SV2B: variants seen among roughly 807,000 people sequenced by gnomAD.
The protein encoded by SV2B is synaptic vesicle glycoprotein 2B.
Under a neutral mutation model 73.9 loss-of-function variants are expected in SV2B, and 41 were observed. That is an observed-to-expected ratio of 0.56 (90% CI 0.43 to 0.72). The LOEUF (loss-of-function observed/expected upper bound fraction) is 0.72, where lower values mean the gene tolerates loss of function less well. Among genes scored for constraint, SV2B ranks in the 30% least tolerant of loss-of-function variants. The probability of loss-of-function intolerance (pLI) is 0.00; values close to 1 mark genes in which losing one functional copy is unlikely to be tolerated. For missense variants in SV2B, 764 were observed against 857.8 expected, an observed-to-expected ratio of 0.89 and a Z score of 1.37; for synonymous variants, 314 against 314.2, an observed-to-expected ratio of 1.00 and a Z score of 0.01.
intron 6 of SV2B, among the ~76,000 whole-genome samples, chr15:91,262,968 G>C (rs2047963842): frequency 6.6e-6 from 1 of 152,194 alleles, no homozygotes; most frequent in Non-Finnish European, 1.5e-5. Flanking sequence ...GCTTATTTCT[G>C]GAAGATGTTT....
intron 6 of SV2B, 120 bp downstream of exon 6, chr15:91,260,529 A>G (rs905291380): frequency 1.5e-6 from 1 of 658,260 alleles, no homozygotes. Flanking sequence ...AGACTCTGAT[A>G]TTGCTGTTAC....
At chr15:91,198,812 GTCC>G (rs1173289511) in intron 1 of SV2B, among the ~76,000 whole-genome samples, 2 of 152,196 alleles carry the variant, frequency 1.3e-5, no homozygotes, top group African/African-American at 4.8e-5. Context: ...TCGACCCAGA[GTCC>G]TGTTGCTGTA....
In SV2B at chr15:91,105,168, C is replaced by G. The variant is rs1156726326; in HGVS notation, c.-392+4805C>G. Reference sequence around the variant, plus strand: ...AGACCCATCTCATGAAGCATTCATTCTAGTTGAGGGAGACAAATAATATGT... The same window carrying G: ...AGACCCATCTCATGAAGCATTCATTGTAGTTGAGGGAGACAAATAATATGT... On this transcript the variant is annotated intron_variant, in intron 1 of 12. Coordinates refer to ENST00000394232, the MANE Select transcript of SV2B (RefSeq NM_001323032.3). The surrounding 1 kb of genome is among the most constrained non-coding windows in gnomAD (Gnocchi z 5.5). 6.6e-6 allele frequency among the ~76,000 whole-genome samples: 1 copy of G among 152,240 alleles called. No homozygotes were observed. Among genetic ancestry groups the G allele is most frequent in the Non-Finnish European group, 1.5e-5 (1 of 68,020 alleles).
chr15:91,109,924 C>T (rs1017748327), intron 1 of SV2B, among the ~76,000 whole-genome samples: 3 of 152,030 alleles, frequency 2.0e-5, no homozygotes, highest in African/African-American at 4.8e-5. Flanking sequence ...TTTGTAGAGA[C>T]GAGGTCTCAT....
rs370803593 is a variant in SV2B at position 91,258,537 on chromosome 15, C to G, written c.901C>G (p.Pro301Ala). 19 of 1,613,900 alleles carry G rather than the reference C, an allele frequency of 1.2e-5. No homozygotes were observed. The highest frequency in any genetic ancestry group is 1.5e-5 in the Non-Finnish European group (18 of 1,179,942). Residue 301 changes from proline to alanine, a missense_variant, in exon 5 of 13, where the codon CCA (proline) becomes GCA (alanine). Physicochemically the swap from Pro to Ala is conservative, Grantham distance 27. Transcript: ENST00000394232. This position sits in a 1 kb window ranked among gnomAD's most constrained non-coding sequence, Gnocchi z 4.7. ...MVALKFMPESPRFLLEMGKHD... is the reference protein window; with the variant it reads ...MVALKFMPESARFLLEMGKHD... The stretch of plus-strand genomic sequence containing the variant: ...GGCCCTGAAGTTCATGCCAGAGAGC[C>G]CAAGGTTTCTGCTAGAGGTGAGTCA...
rs1006453345 is a variant in SV2B, at chr15:91,214,460, A to G, written c.-391-11413A>G. Among the ~76,000 whole-genome samples, 4 of 152,232 alleles carry G rather than the reference A, an allele frequency of 2.6e-5. No individual in the cohort carries two copies. Among genetic ancestry groups the G allele is most frequent in the African/African-American group, 9.6e-5 (4 of 41,466 alleles). On this transcript the variant is annotated intron_variant, in intron 1 of 12. Transcript: ENST00000394232. This position sits in a 1 kb window ranked among gnomAD's most constrained non-coding sequence, Gnocchi z 4.7. ...CTGTGCCAAACATTTTGAAAATGTT[A>G]ACTCATTTAATTCTCATAACAATGC...
chr15:91,101,345 A>G (rs2041719077), intron 1 of SV2B, among the ~76,000 whole-genome samples: 1 of 151,990 alleles, frequency 6.6e-6, no homozygotes, highest in South Asian at 2.1e-4. Flanking sequence ...CCCTTTCCAG[A>G]AGAGGTGACT....
chr15:91,140,229 G>A lies in SV2B; in HGVS notation c.-392+39866G>A, dbSNP rs1490891403. ...ACAATGCTCATTATTTTTCTTCAAA[G>A]TAATAGCAGCTAGGAACAAAGTTAC... is the stretch of plus-strand genomic sequence containing the variant. On this transcript the variant is annotated intron_variant, in intron 1 of 12. Transcript: ENST00000394232. This position sits in a 1 kb window ranked among gnomAD's most constrained non-coding sequence, Gnocchi z 4.4. 1.3e-5 allele frequency among the ~76,000 whole-genome samples: 2 copies of A among 152,184 alleles called. No homozygotes were observed. Among genetic ancestry groups the A allele is most frequent in the African/African-American group, 2.4e-5 (1 of 41,446 alleles).
At chr15:91,143,929 C>A (rs16945257) in intron 1 of SV2B, among the ~76,000 whole-genome samples, 1 of 151,942 alleles carries the variant, frequency 6.6e-6, no homozygotes, top group Non-Finnish European at 1.5e-5. Context: ...TAGAGTCTGT[C>A]TTCTATTATG....
intron 1 of SV2B, among the ~76,000 whole-genome samples, chr15:91,191,057 G>GTTTTTTTTTTTTTTTTT: frequency 1.3e-5 from 1 of 78,202 alleles, no homozygotes; most frequent in Non-Finnish European, 2.7e-5. Context: ...GGTTTTTTTG[G>GTTTTTTTTTTTTTTTTT]TGTTTCTTTT....
intron 1 of SV2B, among the ~76,000 whole-genome samples, chr15:91,144,174 G>A (rs959149397): frequency 6.6e-6 from 1 of 152,182 alleles, no homozygotes; most frequent in African/African-American, 2.4e-5. Flanking sequence ...TACACCTGCA[G>A]GAACTAGCTA....
chr15:91,272,483 C>T (rs2048346596), intron 9 of SV2B, among the ~76,000 whole-genome samples: 1 of 152,032 alleles, frequency 6.6e-6, no homozygotes, highest in African/African-American at 2.4e-5. Flanking sequence ...TAGGTCGTGA[C>T]CCAGGAAGTA....
At chr15:91,172,075 C>T (rs1165032343) in intron 1 of SV2B, among the ~76,000 whole-genome samples, 1 of 152,152 alleles carries the variant, frequency 6.6e-6, no homozygotes, top group Non-Finnish European at 1.5e-5. Context: ...ATCAACTCTA[C>T]ACTAAAAATT....
At position 91,284,585 on chromosome 15, in the gene SV2B, G is replaced by A. The variant is rs573528045; in HGVS notation, c.1708+364G>A. Among the ~76,000 whole-genome samples, 3 of 152,330 alleles carry A rather than the reference G, an allele frequency of 2.0e-5. No homozygotes were observed. The highest frequency in any genetic ancestry group is 2.1e-4 in the South Asian group (1 of 4,824). On this transcript the variant is annotated intron_variant, in intron 11 of 12. Transcript: ENST00000394232. The surrounding 1 kb of genome is among the most constrained non-coding windows in gnomAD (Gnocchi z 4.5). ...AAATGCTCCTGGGTGATGGTTTGATGTTTGAAGATAAATTGTGTTACTTTT... is the reference window on the plus strand; with the variant it reads ...AAATGCTCCTGGGTGATGGTTTGATATTTGAAGATAAATTGTGTTACTTTT...
chr15:91,151,252 T>C (rs2043306049), intron 1 of SV2B, among the ~76,000 whole-genome samples: 1 of 152,358 alleles, frequency 6.6e-6, no homozygotes, highest in South Asian at 2.1e-4. Flanking sequence ...AACCATGTCA[T>C]TAATGGTTAC....
chr15:91,180,063 C>T (rs1373814023), intron 1 of SV2B, among the ~76,000 whole-genome samples: 1 of 151,944 alleles, frequency 6.6e-6, no homozygotes, highest in Admixed American at 6.6e-5. Context: ...GTGCTTCCTT[C>T]AGGAGCTCTT....
rs1478925908 is a variant in SV2B, at chr15:91,129,139, G to A, written c.-392+28776G>A. On this transcript the variant is annotated intron_variant, in intron 1 of 12. Coordinates refer to ENST00000394232, the MANE Select transcript of SV2B (RefSeq NM_001323032.3). This position sits in a 1 kb window ranked among gnomAD's most constrained non-coding sequence, Gnocchi z 5.1. The stretch of plus-strand genomic sequence containing the variant: ...GGAGTGAAATAATCCCAGCGACAGC[G>A]TATGTGTGAGATCCTTGGGATCAAG... Among the ~76,000 whole-genome samples the A allele has an allele frequency of 1.3e-5, 2 of 152,186 alleles. No homozygotes were observed. The highest frequency in any genetic ancestry group is 1.9e-4 in the East Asian group (1 of 5,188).
At chr15:91,177,750 G>C (rs1207898118) in intron 1 of SV2B, among the ~76,000 whole-genome samples, 163 of 111,974 alleles carry the variant, frequency 1.5e-3, no homozygotes, top group African/African-American at 4.4e-3. Context: ...TTTGTATCCT[G>C]AGACTTTGCT....
At chr15:91,225,672 C>T (rs1014111770) in intron 1 of SV2B, among the ~76,000 whole-genome samples, 1 of 152,152 alleles carries the variant, frequency 6.6e-6, no homozygotes, top group African/African-American at 2.4e-5. Context: ...GCCTCTCTGA[C>T]CACGGTTCCT....
Sources: allele counts gnomAD v4.1 joint callset (sites outside exome capture counted in the v4.1 genomes callset), GRCh38; gene constraint gnomAD v4.1.1; non-coding constraint Gnocchi (gnomAD v3.1); transcripts MANE v1.5; gene names NCBI Gene and HGNC (gene_info 2026-07-23, HGNC 2026-07-21).